The following HID1 variants were observed in gnomAD, a reference collection of about 807,000 sequenced individuals.
The protein encoded by HID1 is protein HID1.
Under a neutral mutation model 89.7 loss-of-function variants are expected in HID1, and 42 were observed. The ratio of observed to expected loss-of-function variants is 0.47; its 90% CI spans 0.37 to 0.61. The LOEUF (loss-of-function observed/expected upper bound fraction) is 0.61, where lower values mean the gene tolerates loss of function less well. Among genes scored for constraint, HID1 ranks in the 20% least tolerant of loss-of-function variants. The probability of loss-of-function intolerance (pLI) is 0.00; values close to 1 mark genes in which losing one functional copy is unlikely to be tolerated. For missense variants in HID1, 854 were observed against 1,039.3 expected, an observed-to-expected ratio of 0.82 and a Z score of 2.45; for synonymous variants, 442 against 433.8, an observed-to-expected ratio of 1.02 and a Z score of -0.24.
chr17:74,951,756 C>G, intron 18 of HID1, 123 bp from the exon 19 acceptor site: 1 of 1,331,328 alleles, frequency 7.5e-7, no homozygotes, highest in Non-Finnish European at 1.0e-6. Flanking sequence ...CCCTGGGCAG[C>G]GGGTGCCACC....
chr17:74,972,076 G>T lies in HID1; in HGVS notation c.66+515C>A, dbSNP rs1392469671. ...AGACCTGGGCCTTCCCTGCCCACGG[G>T]CATCGACCAGGGCCCAGCGAGGCCG... On this transcript the variant is annotated intron_variant, in intron 1 of 18. Transcript: ENST00000425042. This position sits in a 1 kb window ranked among gnomAD's most constrained non-coding sequence, Gnocchi z 6.4. Among the ~76,000 whole-genome samples the T allele has an allele frequency of 6.6e-6, 1 of 152,228 alleles. No homozygotes were observed. The highest frequency in any genetic ancestry group is 1.5e-5 in the Non-Finnish European group (1 of 68,040).
chr17:74,957,948 G>A, intron 12 of HID1, 193 bp downstream of exon 12: 1 of 592,198 alleles, frequency 1.7e-6, no homozygotes, highest in Non-Finnish European at 3.0e-6. Context: ...TACATGTTGA[G>A]ATGATGATAG....
At chr17:74,954,091 C>G (rs773155700) in intron 14 of HID1, 47 bp downstream of exon 14, 15 of 1,514,698 alleles carry the variant, frequency 9.9e-6, no homozygotes, top group African/African-American at 1.4e-5. Context: ...GTCCCTCCCC[C>G]AGCCACACCA....
chr17:74,957,942 T>C, intron 12 of HID1, 199 bp downstream of exon 12: 1 of 586,136 alleles, frequency 1.7e-6, no homozygotes, highest in Non-Finnish European at 3.0e-6. Flanking sequence ...ATTGGCTACA[T>C]GTTGAGATGA....
intron 1 of HID1, among the ~76,000 whole-genome samples, chr17:74,969,922 C>CTTT (rs61436029): frequency 0.059 from 6,610 of 112,076 alleles, 663 homozygotes; most frequent in African/African-American, 0.19. Context: ...TTTCTTTTTT[C>CTTT]TTTTTTTTTT....
chr17:74,961,910 T>A lies in HID1; in HGVS notation c.691A>T (p.Asn231Tyr), dbSNP rs1489490028. 2.5e-6 allele frequency: 4 copies of A among 1,601,760 alleles called. No homozygotes were observed. The highest frequency in any genetic ancestry group is 2.6e-6 in the Non-Finnish European group (3 of 1,174,192). ...LPPAPESGSTNPWVQFFCSTE... is the reference protein window; with the variant it reads ...LPPAPESGSTYPWVQFFCSTE... ...GAACAAAAGAACTGAACCCATGGGT[T>A]GGTGCTGCCACTTTCCGGAGCTGGG... Residue 231 changes from asparagine (N) to tyrosine (Y), a missense_variant, in exon 6 of 19, where the codon AAC becomes TAC. Transcript: ENST00000425042.
intron 1 of HID1, among the ~76,000 whole-genome samples, chr17:74,967,290 C>T (rs780089728): frequency 1.3e-5 from 2 of 151,516 alleles, no homozygotes; most frequent in Non-Finnish European, 2.9e-5. Context: ...CCTGTAATTC[C>T]AGCACTTTGG....
intron 12 of HID1, among the ~76,000 whole-genome samples, chr17:74,956,751 G>A (rs2144805500): frequency 6.6e-6 from 1 of 152,334 alleles, no homozygotes; most frequent in South Asian, 2.1e-4. Context: ...TGTTCACACT[G>A]AAGGCATTTT....
chr17:74,965,913 A>G (rs2039554978), intron 1 of HID1, among the ~76,000 whole-genome samples: 1 of 144,402 alleles, frequency 6.9e-6, no homozygotes, highest in African/African-American at 2.8e-5. Context: ...GCAAAACCCC[A>G]TCTCAAAAAA....
chr17:74,960,077 G>T lies in HID1; in HGVS notation c.900C>A (p.Ala300=), dbSNP rs771713279. 3 of 1,613,552 alleles carry T rather than the reference G, an allele frequency of 1.9e-6. No individual in the cohort carries two copies. The South Asian group carries it at 3.3e-5, about 18-fold the overall frequency. Residue 300 remains alanine, a synonymous_variant, in exon 7 of 19, where the codon GCC becomes GCA. Coordinates refer to ENST00000425042, the MANE Select transcript of HID1 (RefSeq NM_030630.3). ...VTLDHDSASS[A]SPTVDGTTTG... ...TGGTGGTGCCGTCCACAGTGGGGCTGGCACTGCTGGCACTGTCGTGGTCCA... is the reference window on the plus strand; with the variant it reads ...TGGTGGTGCCGTCCACAGTGGGGCTTGCACTGCTGGCACTGTCGTGGTCCA...
intron 1 of HID1, among the ~76,000 whole-genome samples, chr17:74,966,206 C>A (rs536552185): frequency 6.8e-6 from 1 of 146,634 alleles, no homozygotes; most frequent in East Asian, 2.0e-4. Flanking sequence ...ATTGCTTGAA[C>A]CCAGGAGGCA....
At position 74,972,225 on chromosome 17, in the gene HID1, C is replaced by A. The variant is rs549110895; in HGVS notation, c.66+366G>T. ...AATGAGGGGCAGGGAGGGGAGCGGA[C>A]GGTGGATGGGTGGGTGGGGGCGGCG... On this transcript the variant is annotated intron_variant, in intron 1 of 18. Transcript: ENST00000425042. The surrounding 1 kb of genome is among the most constrained non-coding windows in gnomAD (Gnocchi z 6.4). Among the ~76,000 whole-genome samples, 1 of 39,064 alleles carries A rather than the reference C, an allele frequency of 2.6e-5. No homozygotes were observed. The highest frequency in any genetic ancestry group is 4.9e-5 in the Non-Finnish European group (1 of 20,338). The allele number at this position is 39,064 out of a possible 152,430, so 25.6% of individuals were successfully genotyped here. A position where few individuals can be genotyped will look rare whatever the true frequency, so the allele number is the denominator to read the frequency against.
intron 12 of HID1, among the ~76,000 whole-genome samples, chr17:74,957,486 A>AAAAAT (rs1009521520): frequency 3.4e-4 from 52 of 152,088 alleles, no homozygotes; most frequent in Non-Finnish European, 6.3e-4. Flanking sequence ...CTTAAAAATA[A>AAAAAT]AAAATAAAAT....
chr17:74,953,707 CT>C lies in HID1; in HGVS notation c.1865-57del. On this transcript the variant is annotated intron_variant, in intron 14 of 18. Coordinates refer to ENST00000425042, the MANE Select transcript of HID1 (RefSeq NM_030630.3). ...CCCTGCCACAGTGACCCTTCTAGCCCTTCCTCCACCCACTTTTTTATTTTTA... is the reference window on the plus strand; with the variant it reads ...CCCTGCCACAGTGACCCTTCTAGCCCTCCTCCACCCACTTTTTTATTTTTA... 14 of 1,339,082 alleles carry C rather than the reference CT, an allele frequency of 1.0e-5. No homozygotes were observed. The South Asian group carries it at 1.6e-4, about 16-fold the overall frequency. The allele number at this position is 1,339,082 out of a possible 1,614,324, so 83.0% of individuals were successfully genotyped here. A position where few individuals can be genotyped will look rare whatever the true frequency, so the allele number is the denominator to read the frequency against.
chr17:74,956,246 G>A (rs1005048826), intron 12 of HID1, among the ~76,000 whole-genome samples: 6 of 152,242 alleles, frequency 3.9e-5, no homozygotes, highest in African/African-American at 1.4e-4. Context: ...AGGGAGGCAG[G>A]ACACAGACAA....
In HID1 at chr17:74,958,649, A is replaced by G; in HGVS notation, c.1240+24T>C. The stretch of plus-strand genomic sequence containing the variant: ...CCTCGCCGCCAGGAAAGCCCCCAGC[A>G]TCCCACCCCCACCCTGGTCTTACAC... On this transcript the variant is annotated intron_variant, in intron 10 of 18. Transcript: ENST00000425042. The surrounding 1 kb of genome is among the most constrained non-coding windows in gnomAD (Gnocchi z 5.2). 33 of 1,059,182 alleles carry G rather than the reference A, an allele frequency of 3.1e-5. No individual in the cohort carries two copies. Among genetic ancestry groups the G allele is most frequent in the Non-Finnish European group, 4.1e-5 (28 of 681,584 alleles). 65.6% of individuals were successfully genotyped at this position (1,059,182 alleles called of 1,614,324 possible).
chr17:74,957,772 C>T (rs1455037554), intron 12 of HID1, among the ~76,000 whole-genome samples: 6 of 151,744 alleles, frequency 4.0e-5, no homozygotes, highest in Middle Eastern at 3.4e-3. Context: ...TGGTGGCACA[C>T]GCCTGTAATC....
chr17:74,965,594 T>G (rs1049308296), intron 1 of HID1, among the ~76,000 whole-genome samples: 3 of 152,034 alleles, frequency 2.0e-5, no homozygotes, highest in Non-Finnish European at 2.9e-5. Context: ...CATTCCAAAA[T>G]CCATTCCCAC....
At position 74,958,200 on chromosome 17, in the gene HID1, G is replaced by A. The variant is rs1421894948; in HGVS notation, c.1412C>T (p.Thr471Ile). Residue 471 changes from threonine to isoleucine, a missense_variant, in exon 12 of 19, where the codon ACC (threonine) becomes ATC (isoleucine). Physicochemically the swap from Thr to Ile is moderately conservative, Grantham distance 89. Transcript: ENST00000425042. This position sits in a 1 kb window ranked among gnomAD's most constrained non-coding sequence, Gnocchi z 5.2. Reference sequence around the variant, plus strand: ...GGGCTGCAACCGCTGGTGCCCGCTGGTGATGATCTTGTGGAACACCTGTGC... The same window carrying A: ...GGGCTGCAACCGCTGGTGCCCGCTGATGATGATCTTGTGGAACACCTGTGC... ...LLIVVFHKIITSGHQRLQPLF... is the reference protein window; with the variant it reads ...LLIVVFHKIIISGHQRLQPLF... 3.1e-6 allele frequency: 5 copies of A among 1,611,538 alleles called. No homozygotes were observed. Among genetic ancestry groups the A allele is most frequent in the Non-Finnish European group, 4.2e-6 (5 of 1,179,104 alleles).
Sources: allele counts gnomAD v4.1 joint callset (sites outside exome capture counted in the v4.1 genomes callset), GRCh38; gene constraint gnomAD v4.1.1; non-coding constraint Gnocchi (gnomAD v3.1); transcripts MANE v1.5; gene names NCBI Gene and HGNC (gene_info 2026-07-23, HGNC 2026-07-21).